Variants in TMCC2 observed in about 807,000 individuals in gnomAD.
TMCC2 encodes transmembrane and coiled-coil domains protein 2.
A neutral mutation model predicts 49.4 loss-of-function variants in TMCC2; 16 were observed. That is an observed-to-expected ratio of 0.32 (90% CI 0.22 to 0.49). The LOEUF is 0.49. Among genes scored for constraint, TMCC2 ranks in the 20% least tolerant of loss-of-function variants. The pLI, the probability that TMCC2 is intolerant of heterozygous loss-of-function variation, is 0.99. For missense variants in TMCC2, 762 were observed against 989.8 expected (o/e 0.77, Z 3.09); for synonymous variants, 397 against 434.1 (o/e 0.91, Z 1.06).
intron 2 of TMCC2, among the ~76,000 whole-genome samples, chr1:205,252,354 C>T (rs921739917): frequency 8.5e-5 from 13 of 152,244 alleles, no homozygotes; most frequent in African/African-American, 2.9e-4. Context: ...CTGGCCTGAT[C>T]TGTCTGCTTT....
chr1:205,244,482 G>A (rs1474814953), intron 2 of TMCC2, among the ~76,000 whole-genome samples: 1 of 152,204 alleles, frequency 6.6e-6, no homozygotes, highest in Non-Finnish European at 1.5e-5. Context: ...AGGGGAGGTG[G>A]GAAGGGCTGG....
intron 1 of TMCC2, among the ~76,000 whole-genome samples, chr1:205,240,490 A>G (rs1660222999): frequency 6.6e-6 from 1 of 152,266 alleles, no homozygotes; most frequent in South Asian, 2.1e-4. Flanking sequence ...AGGTTTGCTC[A>G]TAGAAGTAAA....
intron 2 of TMCC2, among the ~76,000 whole-genome samples, chr1:205,243,587 C>T (rs1040222343): frequency 6.6e-6 from 1 of 151,968 alleles, no homozygotes; most frequent in Admixed American, 6.6e-5. Context: ...GAAAGGGAGG[C>T]GTAGAGGATG....
chr1:205,229,557 GGTGGTGGC>G (rs1558638854), intron 1 of TMCC2: 7 of 620,726 alleles, frequency 1.1e-5, no homozygotes, highest in Admixed American at 9.3e-5. Flanking sequence ...GGGGGGGGGG[GGTGGTGGC>G]GGGGGCGGGG....
intron 2 of TMCC2, among the ~76,000 whole-genome samples, chr1:205,247,794 G>A (rs1169132378): frequency 6.6e-6 from 1 of 152,152 alleles, no homozygotes; most frequent in African/African-American, 2.4e-5. Context: ...GAACTCACCA[G>A]CTGGCTTTCG....
At chr1:205,243,949 A>T (rs1660365151) in intron 2 of TMCC2, among the ~76,000 whole-genome samples, 1 of 152,250 alleles carries the variant, frequency 6.6e-6, no homozygotes, top group Non-Finnish European at 1.5e-5. Flanking sequence ...GAGCAGTCAG[A>T]TGGATAGAAG....
In TMCC2 at chr1:205,268,996, G is replaced by A. The variant is rs1207920109; in HGVS notation, c.794G>A (p.Gly265Asp). 6.2e-7 allele frequency: 1 copy of A among 1,613,258 alleles called. No homozygotes were observed. The highest frequency in any genetic ancestry group is 1.7e-5 in the Admixed American group (1 of 60,018). ...LVALSLPAGH[G>D]DTDGPISLDV... ...GCCCTGAGCCTCCCCGCCGGCCATGGTGACACCGACGGCCCCATCAGCCTG... is the reference window on the plus strand; with the variant it reads ...GCCCTGAGCCTCCCCGCCGGCCATGATGACACCGACGGCCCCATCAGCCTG... The change falls in exon 3 of 5, where the codon GGT becomes GAT. Residue 265 changes from glycine (G) to aspartate (D), a missense_variant. Physicochemically the swap from Gly to Asp is moderately conservative, Grantham distance 94 (BLOSUM62 -1). This residue lies in a region of TMCC2 where 440 missense variants were observed against 636.7 expected (regional missense o/e 0.69). Coordinates refer to ENST00000358024, the MANE Select transcript of TMCC2 (RefSeq NM_014858.4).
chr1:205,237,220 T>C (rs1183773906), intron 1 of TMCC2, among the ~76,000 whole-genome samples: 4 of 152,074 alleles, frequency 2.6e-5, no homozygotes, highest in Non-Finnish European at 4.4e-5. Flanking sequence ...CCACTCAGGC[T>C]CCCCACCCAG....
chr1:205,241,607 G>A lies in TMCC2; in HGVS notation c.310G>A (p.Asp104Asn). The A allele has an allele frequency of 6.2e-7, 1 of 1,613,972 alleles. No individual in the cohort carries two copies. The highest frequency in any genetic ancestry group is 8.5e-7 in the Non-Finnish European group (1 of 1,180,014). ...SREREHQTSQ[D>N]SQQHQQQQGM... ...GGAAAGGGAGCACCAGACGTCTCAG[G>A]ATTCCCAGCAGCATCAGCAGCAGCA... The change falls in exon 2 of 5, where the codon GAT becomes AAT. Residue 104 changes from aspartate to asparagine, a missense_variant. Around this residue, in one of 2 missense-constraint regions of TMCC2, gnomAD observed 322 missense variants for 353.1 expected, o/e 0.91. Coordinates refer to ENST00000358024, the MANE Select transcript of TMCC2 (RefSeq NM_014858.4). The surrounding 1 kb of genome is among the most constrained non-coding windows in gnomAD (Gnocchi z 7.3).
In TMCC2 at chr1:205,272,015, C is replaced by T. The variant is rs1371032549; in HGVS notation, c.2021C>T (p.Thr674Ile). ...IANFITPLMK[T>I]RLRITSTTLL... is the part of the protein sequence containing the mutation. ...AACTTCATCACGCCCCTCATGAAGA[C>T]ACGCCTGCGCATCACCAGCACCACC... The change falls in exon 5 of 5, where the codon ACA (threonine) becomes ATA (isoleucine). Residue 674 changes from threonine (T) to isoleucine (I), a missense_variant. By Grantham distance (89) the Thr-to-Ile change is moderately conservative (BLOSUM62 -1). This residue lies in a region of TMCC2 where 440 missense variants were observed against 636.7 expected (regional missense o/e 0.69). Transcript: ENST00000358024. 4 of 1,614,242 alleles carry T rather than the reference C, an allele frequency of 2.5e-6. No homozygotes were observed. The highest frequency in any genetic ancestry group is 1.7e-5 in the Admixed American group (1 of 60,028).
intron 2 of TMCC2, chr1:205,246,789 C>G (rs1226142445): frequency 1.4e-5 from 19 of 1,321,256 alleles, no homozygotes; most frequent in Non-Finnish European, 2.0e-5. Flanking sequence ...AAAACGTGAA[C>G]CTTGCTGTCT....
At chr1:205,255,573 G>A (rs1270957207) in intron 2 of TMCC2, among the ~76,000 whole-genome samples, 2 of 152,024 alleles carry the variant, frequency 1.3e-5, no homozygotes, top group East Asian at 3.9e-4. Flanking sequence ...AAAAAGAAGG[G>A]GTATCTTGAG....
chr1:205,270,233 C>G (rs754686642), intron 3 of TMCC2, among the ~76,000 whole-genome samples: 1 of 152,010 alleles, frequency 6.6e-6, no homozygotes, highest in Non-Finnish European at 1.5e-5. Flanking sequence ...TTTTTAGTAG[C>G]GACAGCGTTT....
chr1:205,256,201 A>C, intron 2 of TMCC2: 1 of 1,465,602 alleles, frequency 6.8e-7, no homozygotes, highest in Non-Finnish European at 9.0e-7. Context: ...CACCAGACTC[A>C]AGTGGGTGCA....
chr1:205,229,213 GA>G (rs1659685793), intron 1 of TMCC2: 1 of 859,162 alleles, frequency 1.2e-6, no homozygotes, highest in Admixed American at 6.1e-5. Context: ...GTGTGAGACG[GA>G]GTCTCGTTCT....
At chr1:205,235,797 C>T (rs948686308) in intron 1 of TMCC2, among the ~76,000 whole-genome samples, 3 of 152,098 alleles carry the variant, frequency 2.0e-5, no homozygotes, top group East Asian at 1.9e-4. Flanking sequence ...TGGCTGGGCG[C>T]GGTGGCTCAC....
chr1:205,265,090 G>A (rs186581637), intron 2 of TMCC2, among the ~76,000 whole-genome samples: 70 of 152,314 alleles, frequency 4.6e-4, no homozygotes, highest in African/African-American at 1.6e-3. Context: ...CCAAGGAGGT[G>A]TCCAGGCCTC....
At chr1:205,229,304 T>A (rs1186464693) in intron 1 of TMCC2, among the ~76,000 whole-genome samples, 1 of 151,898 alleles carries the variant, frequency 6.6e-6, no homozygotes, top group Non-Finnish European at 1.5e-5. Context: ...TTCTCCTGTC[T>A]CAGCCTCCAG....
chr1:205,232,666 G>T (rs1019155750), intron 1 of TMCC2, among the ~76,000 whole-genome samples: 3 of 152,102 alleles, frequency 2.0e-5, no homozygotes, highest in African/African-American at 7.2e-5. Context: ...AGCGGTGGGT[G>T]GCTCATGCCA....
Sources: allele counts gnomAD v4.1 joint callset (sites outside exome capture counted in the v4.1 genomes callset), GRCh38; gene constraint gnomAD v4.1.1; regional missense constraint gnomAD v4.1.1; non-coding constraint Gnocchi (gnomAD v3.1); transcripts MANE v1.5; gene names NCBI Gene and HGNC (gene_info 2026-07-23, HGNC 2026-07-21).